Variants in ALK observed in about 807,000 individuals in gnomAD.
ALK encodes the protein ALK receptor tyrosine kinase, also known as ALK tyrosine kinase receptor.
A neutral mutation model predicts 163.1 loss-of-function variants in ALK; 74 were observed. That is an observed-to-expected ratio of 0.45 (90% confidence interval 0.38 to 0.55). ALK has a LOEUF of 0.55. ALK is among the 20% of genes least tolerant of loss of function. The pLI is 0.00. For synonymous variants in ALK, 960 were observed against 843.2 expected (o/e 1.14, Z -2.40); for missense variants, 2,063 against 2,105.3 (o/e 0.98, Z 0.39).
At chr2:29,345,235 A>T (rs2148274438) in intron 5 of ALK, among the ~76,000 whole-genome samples, 1 of 151,998 alleles carries the variant, frequency 6.6e-6, no homozygotes, top group South Asian at 2.1e-4. Flanking sequence ...CTCTACTAAA[A>T]ATACAAAAAA....
intron 26 of ALK, among the ~76,000 whole-genome samples, chr2:29,200,324 G>A (rs1035230141): frequency 1.3e-5 from 2 of 152,132 alleles, no homozygotes; most frequent in Non-Finnish European, 2.9e-5. Flanking sequence ...TCCTTTGAGA[G>A]CACTAATAGA....
chr2:29,331,966 C>T (rs1667451371), intron 5 of ALK, among the ~76,000 whole-genome samples: 1 of 151,940 alleles, frequency 6.6e-6, no homozygotes, highest in African/African-American at 2.4e-5. Context: ...ACCCTCACTC[C>T]CAGCCCTGCC....
chr2:29,412,346 T>A (rs1484344553), intron 4 of ALK, among the ~76,000 whole-genome samples: 1 of 152,230 alleles, frequency 6.6e-6, no homozygotes, highest in Non-Finnish European at 1.5e-5. Context: ...GCTCCTGTAG[T>A]ACAGTGGCGC....
chr2:29,554,147 T>A (rs981831218), intron 3 of ALK, among the ~76,000 whole-genome samples: 1 of 152,214 alleles, frequency 6.6e-6, no homozygotes, highest in Non-Finnish European at 1.5e-5. Context: ...CATTAATATG[T>A]GACAAAAATA....
At chr2:29,703,634 T>C (rs1429945645) in intron 2 of ALK, among the ~76,000 whole-genome samples, 1 of 152,214 alleles carries the variant, frequency 6.6e-6, no homozygotes, top group Non-Finnish European at 1.5e-5. Flanking sequence ...CAGCTTCCTG[T>C]TCATCCTGAG....
chr2:29,528,325 G>T (rs543309145), intron 4 of ALK, among the ~76,000 whole-genome samples: 1 of 152,144 alleles, frequency 6.6e-6, no homozygotes, highest in Non-Finnish European at 1.5e-5. Flanking sequence ...TCAAGCTTGC[G>T]TTCTTGCATC....
intron 1 of ALK, among the ~76,000 whole-genome samples, chr2:29,729,331 C>A (rs1283497558): frequency 6.6e-6 from 1 of 151,624 alleles, no homozygotes; most frequent in Admixed American, 6.6e-5. Context: ...GAGGGGAGAG[C>A]AGGGAGAGAG....
intron 6 of ALK, 112 bp from the exon 7 acceptor site, chr2:29,320,994 G>A (rs903917399): frequency 7.5e-7 from 1 of 1,330,834 alleles, no homozygotes; most frequent in African/African-American, 1.4e-5. Flanking sequence ...TAGTAATATA[G>A]CTCCCCAGCC....
chr2:29,536,858 A>C (rs1673271038), intron 3 of ALK, among the ~76,000 whole-genome samples: 1 of 152,256 alleles, frequency 6.6e-6, no homozygotes, highest in South Asian at 2.1e-4. Flanking sequence ...GTTACACCTC[A>C]GCAAATAATT....
intron 1 of ALK, among the ~76,000 whole-genome samples, chr2:29,756,623 C>T (rs1312620894): frequency 6.6e-6 from 1 of 151,076 alleles, no homozygotes; most frequent in Non-Finnish European, 1.5e-5. Context: ...ATCTCTGCCT[C>T]CCGGCAGATT....
intron 3 of ALK, among the ~76,000 whole-genome samples, chr2:29,577,178 C>T (rs1324071049): frequency 1.3e-5 from 2 of 152,100 alleles, no homozygotes; most frequent in Admixed American, 6.5e-5. Flanking sequence ...CCCACATTCT[C>T]GCAGGAAGTG....
At chr2:29,243,308 TACTC>T (rs1664572228) in intron 12 of ALK, among the ~76,000 whole-genome samples, 1 of 152,242 alleles carries the variant, frequency 6.6e-6, no homozygotes, top group Non-Finnish European at 1.5e-5. Context: ...CTGCCAGTGT[TACTC>T]ACTAGCTGTG....
At position 29,419,023 on chromosome 2, in the gene ALK, C is replaced by T. The variant is rs932663004; in HGVS notation, c.1155-35164G>A. Among the ~76,000 whole-genome samples the T allele has an allele frequency of 4.6e-5, 7 of 151,250 alleles. 1 individual carries two copies. Among genetic ancestry groups the T allele is most frequent in the African/African-American group, 9.8e-5 (4 of 40,724 alleles). ...CTCTCAATAATCCTATATTCTTGTG[C>T]GGAAGACAAGGTATTTTATTTTATT... On this transcript the variant is annotated intron_variant, in intron 4 of 28. Coordinates refer to ENST00000389048, the MANE Select transcript of ALK (RefSeq NM_004304.5).
intron 8 of ALK, among the ~76,000 whole-genome samples, chr2:29,302,195 C>CAG (rs751228264): frequency 3.2e-4 from 49 of 152,294 alleles, no homozygotes; most frequent in Admixed American, 4.6e-4. Context: ...CCCAACTGTT[C>CAG]AGAGCTAGGA....
chr2:29,703,531 G>A (rs1171343479), intron 2 of ALK, among the ~76,000 whole-genome samples: 1 of 152,164 alleles, frequency 6.6e-6, no homozygotes, highest in East Asian at 1.9e-4. Context: ...CTGCTGAAAG[G>A]GCTTAAGATG....
At chr2:29,294,811 C>A (rs923523602) in intron 9 of ALK, among the ~76,000 whole-genome samples, 3 of 152,180 alleles carry the variant, frequency 2.0e-5, no homozygotes, top group Non-Finnish European at 4.4e-5. Flanking sequence ...GTGACCATGG[C>A]AGTTTTCAAA....
At chr2:29,742,165 T>C (rs1680080252) in intron 1 of ALK, among the ~76,000 whole-genome samples, 1 of 152,222 alleles carries the variant, frequency 6.6e-6, no homozygotes, top group Non-Finnish European at 1.5e-5. Context: ...GGGAGGTTCA[T>C]CTTGTCCAAG....
Position 29,232,367 on chromosome 2 carries a change from G to A in ALK, c.2569C>T (p.His857Tyr), listed in dbSNP as rs754393402. Residue 857 changes from histidine (H) to tyrosine (Y), a missense_variant, in exon 15 of 29, where the codon CAC (histidine) becomes TAC (tyrosine). Physicochemically the swap from His to Tyr is moderately conservative, Grantham distance 83 (BLOSUM62 2). Coordinates refer to ENST00000389048, the MANE Select transcript of ALK (RefSeq NM_004304.5). ...GAGTTATTCTCCAGTCTCTCTGGGT[G>A]GAACGTGTCTGTCTTGGCCCCGTAG... ...RAYGAKTDTFHPERLENNSSV... is the reference protein window; with the variant it reads ...RAYGAKTDTFYPERLENNSSV... 1.3e-5 allele frequency: 21 copies of A among 1,614,152 alleles called. No individual in the cohort carries two copies. Among genetic ancestry groups the A allele is most frequent in the Middle Eastern group, 1.6e-4 (1 of 6,082 alleles).
intron 3 of ALK, among the ~76,000 whole-genome samples, chr2:29,555,290 C>T (rs780264950): frequency 3.9e-5 from 6 of 152,084 alleles, no homozygotes; most frequent in Non-Finnish European, 7.4e-5. Context: ...CTCACTGAGG[C>T]TGAGGGTCAG....
Sources: gnomAD v4.1 joint callset for allele counts (sites outside exome capture counted in the v4.1 genomes callset) on GRCh38, gnomAD v4.1.1 for gene constraint, MANE v1.5 for transcripts, NCBI Gene and HGNC (gene_info 2026-07-23, HGNC 2026-07-21) for gene names.